ARB2A: variants seen among roughly 807,000 people sequenced by gnomAD.
ARB2A encodes ARB2 cotranscriptional regulator A.
At chr5:94,046,448 T>G in the ARB2A span, among the ~76,000 whole-genome samples, 3 of 149,100 alleles carry the variant, frequency 2.0e-5, no homozygotes, top group Non-Finnish European at 1.5e-5. Context: ...GGGGGAACAG[T>G]GGGGTGGGGG....
chr5:94,013,107 C>A, the ARB2A span, among the ~76,000 whole-genome samples: 1 of 150,604 alleles, frequency 6.6e-6, no homozygotes, highest in Non-Finnish European at 1.5e-5. Flanking sequence ...TCTAGTTGGT[C>A]ATATTGGTTC....
the ARB2A span, among the ~76,000 whole-genome samples, chr5:94,068,623 C>T: frequency 7.2e-5 from 11 of 152,140 alleles, no homozygotes; most frequent in Non-Finnish European, 1.5e-4. Context: ...TATTTCTTTA[C>T]CTCCTGCCTT....
At chr5:93,800,587 A>C in the ARB2A span, among the ~76,000 whole-genome samples, 376 of 152,108 alleles carry the variant, frequency 2.5e-3, 1 homozygote, top group African/African-American at 8.7e-3. Flanking sequence ...ACGGGAGAGG[A>C]GGGAGTTTTA....
the ARB2A span, among the ~76,000 whole-genome samples, chr5:94,042,942 A>G: frequency 3.3e-5 from 5 of 152,190 alleles, no homozygotes; most frequent in African/African-American, 1.2e-4. Flanking sequence ...ATTGTTACAT[A>G]AAATCACTGT....
At chr5:94,092,696 TAA>T in the ARB2A span, among the ~76,000 whole-genome samples, 3 of 152,162 alleles carry the variant, frequency 2.0e-5, no homozygotes, top group Non-Finnish European at 4.4e-5. Flanking sequence ...TATTTTCAAC[TAA>T]AAAGATGTCT....
At chr5:93,625,459 G>A in the ARB2A span, among the ~76,000 whole-genome samples, 1 of 152,104 alleles carries the variant, frequency 6.6e-6, no homozygotes, top group Non-Finnish European at 1.5e-5. Context: ...CTTGTACAGA[G>A]CAGAAAATAC....
chr5:94,010,862 A>T, the ARB2A span, among the ~76,000 whole-genome samples: 487 of 152,320 alleles, frequency 3.2e-3, 6 homozygotes, highest in African/African-American at 0.011. Context: ...CAACTAAAAA[A>T]GTTCATAATG....
chr5:93,874,974 G>C, the ARB2A span, among the ~76,000 whole-genome samples: 1 of 152,124 alleles, frequency 6.6e-6, no homozygotes, highest in Non-Finnish European at 1.5e-5. Flanking sequence ...TGCTATGTTT[G>C]CTTTACACAT....
the ARB2A span, among the ~76,000 whole-genome samples, chr5:93,720,108 C>T: frequency 4.6e-5 from 7 of 152,198 alleles, no homozygotes; most frequent in African/African-American, 7.2e-5. Flanking sequence ...ACAGCTATCG[C>T]TTAATCTTCA....
chr5:93,692,492 A>C, the ARB2A span, among the ~76,000 whole-genome samples: 1 of 152,236 alleles, frequency 6.6e-6, no homozygotes, highest in Non-Finnish European at 1.5e-5. Flanking sequence ...CAAAAAGAAG[A>C]GCTAACTATC....
chr5:93,867,494 T>C, the ARB2A span, among the ~76,000 whole-genome samples: 1 of 152,168 alleles, frequency 6.6e-6, no homozygotes, highest in Non-Finnish European at 1.5e-5. Context: ...CTCAGCTCAC[T>C]ACAACCTCCG....
At chr5:93,907,658 C>T in the ARB2A span, among the ~76,000 whole-genome samples, 1 of 151,314 alleles carries the variant, frequency 6.6e-6, no homozygotes, top group Non-Finnish European at 1.5e-5. Flanking sequence ...TTGGACATCT[C>T]GAGTCACCAG....
At chr5:93,801,671 C>T in the ARB2A span, among the ~76,000 whole-genome samples, 13 of 152,032 alleles carry the variant, frequency 8.6e-5, no homozygotes, top group Admixed American at 8.5e-4. Context: ...AGGGCACATG[C>T]ACACACACTG....
At chr5:94,068,862 CAAAAA>C in the ARB2A span, among the ~76,000 whole-genome samples, 1 of 62,350 alleles carries the variant, frequency 1.6e-5, no homozygotes, top group East Asian at 5.0e-4. Flanking sequence ...ACTAAAAATA[CAAAAA>C]AAAAAAAAAA....
chr5:94,013,005 C>T, the ARB2A span, among the ~76,000 whole-genome samples: 1 of 152,104 alleles, frequency 6.6e-6, no homozygotes, highest in Non-Finnish European at 1.5e-5. Context: ...CATGACTCCT[C>T]ATAGGTCCCA....
the ARB2A span, among the ~76,000 whole-genome samples, chr5:93,816,586 C>T: frequency 6.6e-6 from 1 of 152,102 alleles, no homozygotes; most frequent in African/African-American, 2.4e-5. Flanking sequence ...GGCAGTAGGA[C>T]CTGAATGCAG....
the ARB2A span, chr5:93,881,221 G>GGTAA: frequency 1.3e-5 from 4 of 298,454 alleles, no homozygotes; most frequent in African/African-American, 2.2e-5. Context: ...TTTTTCTTGA[G>GGTAA]GTAGTATATG....
the ARB2A span, among the ~76,000 whole-genome samples, chr5:94,076,259 G>T: frequency 2.6e-5 from 4 of 152,172 alleles, no homozygotes; most frequent in African/African-American, 9.7e-5. Flanking sequence ...ACTCAATGGT[G>T]TGAGATATTC....
chr5:93,881,595 C>G, the ARB2A span: 1 of 1,610,180 alleles, frequency 6.2e-7, no homozygotes, highest in Non-Finnish European at 8.5e-7. Context: ...GCTGGTTCAT[C>G]TGAACTATCA....
Sources: gnomAD v4.1 joint callset for allele counts (sites outside exome capture counted in the v4.1 genomes callset) on GRCh38, gnomAD v4.1.1 for gene constraint, MANE v1.5 for transcripts, NCBI Gene and HGNC (gene_info 2026-07-23, HGNC 2026-07-21) for gene names.